SLC24A3: variants seen among roughly 807,000 people sequenced by gnomAD.
SLC24A3 encodes sodium/potassium/calcium exchanger 3.
A neutral mutation model predicts 75.8 loss-of-function variants in SLC24A3; 28 were observed. The ratio of observed to expected loss-of-function variants is 0.37; its 90% CI spans 0.27 to 0.51. SLC24A3 has a LOEUF of 0.51. Among genes scored for constraint, SLC24A3 ranks in the 20% least tolerant of loss-of-function variants. SLC24A3 has a pLI of 0.94. For missense variants in SLC24A3, 663 were observed against 847.8 expected (o/e 0.78, Z 2.71); for synonymous variants, 372 against 334.1 (o/e 1.11, Z -1.24).
At chr20:19,243,826 C>T (rs1453478652) in intron 1 of SLC24A3, 1 of 152,188 alleles carries the variant, frequency 6.6e-6, no homozygotes, top group East Asian at 1.9e-4. Context: ...TCCTCTCTCC[C>T]CAGAGCCTTC....
intron 12 of SLC24A3, among the ~76,000 whole-genome samples, chr20:19,688,633 G>A (rs778633755): frequency 1.6e-4 from 24 of 152,184 alleles, no homozygotes; most frequent in African/African-American, 9.7e-5. Flanking sequence ...AAAAAGATCC[G>A]TCCACATGAT....
chr20:19,332,304 G>A (rs566398387), intron 2 of SLC24A3, among the ~76,000 whole-genome samples: 15 of 152,170 alleles, frequency 9.9e-5, no homozygotes, highest in South Asian at 2.1e-4. Context: ...GCCTCTCTGG[G>A]GACACAGCCA....
intron 2 of SLC24A3, among the ~76,000 whole-genome samples, chr20:19,482,928 A>G (rs950629160): frequency 1.3e-5 from 2 of 152,198 alleles, no homozygotes; most frequent in African/African-American, 4.8e-5. Context: ...AGACCAGCTT[A>G]GCAGATGGGA....
intron 3 of SLC24A3, among the ~76,000 whole-genome samples, chr20:19,525,103 T>A (rs982281672): frequency 3.9e-5 from 6 of 152,200 alleles, no homozygotes; most frequent in African/African-American, 1.4e-4. Context: ...AGTTTTGTTT[T>A]TATGCCATCC....
At chr20:19,478,710 C>CA (rs1365441813) in intron 2 of SLC24A3, among the ~76,000 whole-genome samples, 1 of 152,214 alleles carries the variant, frequency 6.6e-6, no homozygotes, top group Non-Finnish European at 1.5e-5. Context: ...AAGAACCCTG[C>CA]ATGCCTTCTG....
intron 3 of SLC24A3, among the ~76,000 whole-genome samples, chr20:19,538,145 AACGGTC>A (rs1190894642): frequency 2.0e-5 from 3 of 152,216 alleles, no homozygotes; most frequent in Admixed American, 2.0e-4. Flanking sequence ...AGAAGGTGGC[AACGGTC>A]ACTCAAAAGC....
At chr20:19,503,101 C>T (rs1481233467) in intron 2 of SLC24A3, among the ~76,000 whole-genome samples, 1 of 151,674 alleles carries the variant, frequency 6.6e-6, no homozygotes, top group African/African-American at 2.4e-5. Flanking sequence ...CTTGCTTGCT[C>T]CAAACTCTGA....
At chr20:19,639,218 A>C (rs1050203901) in intron 6 of SLC24A3, among the ~76,000 whole-genome samples, 6 of 152,184 alleles carry the variant, frequency 3.9e-5, no homozygotes, top group South Asian at 2.1e-4. Flanking sequence ...CCAAGGCCCC[A>C]CCAGAGTAGC....
chr20:19,476,737 G>A lies in SLC24A3; in HGVS notation c.272-38751G>A, dbSNP rs542081131. 4.6e-5 allele frequency among the ~76,000 whole-genome samples: 7 copies of A among 152,216 alleles called. No individual in the cohort carries two copies. The South Asian group carries it at 8.3e-4, about 18-fold the overall frequency. ...TCCAGTTGAAAGTATGGGGCCTTCC[G>A]TAGCAAGGATGTCAGTGTCCATAAT... On this transcript the variant is annotated intron_variant, in intron 2 of 16. Coordinates refer to ENST00000328041, the MANE Select transcript of SLC24A3 (RefSeq NM_020689.4).
chr20:19,336,232 A>G (rs1259364198), intron 2 of SLC24A3, among the ~76,000 whole-genome samples: 1 of 152,096 alleles, frequency 6.6e-6, no homozygotes, highest in Non-Finnish European at 1.5e-5. Context: ...ATAAAGGTTT[A>G]CTGGACATAG....
At chr20:19,350,341 A>G (rs564860046) in intron 2 of SLC24A3, among the ~76,000 whole-genome samples, 1 of 152,244 alleles carries the variant, frequency 6.6e-6, no homozygotes, top group African/African-American at 2.4e-5. Context: ...ACTTTTCTTA[A>G]TTCTGACTCT....
intron 6 of SLC24A3, among the ~76,000 whole-genome samples, chr20:19,625,715 G>T (rs1408803415): frequency 6.6e-6 from 1 of 152,124 alleles, no homozygotes; most frequent in East Asian, 1.9e-4. Flanking sequence ...TTCTTTCTGG[G>T]AGCCAAAATG....
At chr20:19,231,503 G>A (rs1982021721) in intron 1 of SLC24A3, among the ~76,000 whole-genome samples, 1 of 152,216 alleles carries the variant, frequency 6.6e-6, no homozygotes, top group Non-Finnish European at 1.5e-5. Flanking sequence ...CAGAAGCCGA[G>A]GTCAGAATGA....
intron 2 of SLC24A3, among the ~76,000 whole-genome samples, chr20:19,502,809 T>C (rs1336076272): frequency 2.8e-5 from 4 of 141,082 alleles, no homozygotes; most frequent in Admixed American, 7.8e-5. Context: ...GGTGGGAGGA[T>C]AGCTTGAGGC....
intron 3 of SLC24A3, among the ~76,000 whole-genome samples, chr20:19,553,462 TAGAATG>T (rs2030734312): frequency 6.6e-6 from 1 of 152,074 alleles, no homozygotes; most frequent in African/African-American, 2.4e-5. Flanking sequence ...TATGGAAGGG[TAGAATG>T]ACCTCTCTGT....
At chr20:19,571,825 A>T (rs2031056786) in intron 3 of SLC24A3, among the ~76,000 whole-genome samples, 1 of 152,156 alleles carries the variant, frequency 6.6e-6, no homozygotes, top group Non-Finnish European at 1.5e-5. Flanking sequence ...GTACCTTAGG[A>T]AGGCAGTTGT....
chr20:19,676,035 T>C (rs2032518931), intron 9 of SLC24A3, among the ~76,000 whole-genome samples: 1 of 152,242 alleles, frequency 6.6e-6, no homozygotes, highest in South Asian at 2.1e-4. Flanking sequence ...GTCTGCTCTA[T>C]GCCCAACATT....
At chr20:19,423,871 G>C (rs1288849408) in intron 2 of SLC24A3, among the ~76,000 whole-genome samples, 1 of 152,170 alleles carries the variant, frequency 6.6e-6, no homozygotes, top group Non-Finnish European at 1.5e-5. Flanking sequence ...TCCCACAACA[G>C]AGTGCATGAT....
intron 2 of SLC24A3, among the ~76,000 whole-genome samples, chr20:19,313,090 G>A (rs1488023974): frequency 8.1e-6 from 1 of 122,886 alleles, no homozygotes; most frequent in Non-Finnish European, 1.6e-5. Context: ...AGGCTTGAGT[G>A]CAATGGCAGG....
Sources: allele counts gnomAD v4.1 joint callset (sites outside exome capture counted in the v4.1 genomes callset), GRCh38; gene constraint gnomAD v4.1.1; transcripts MANE v1.5; gene names NCBI Gene and HGNC (gene_info 2026-07-23, HGNC 2026-07-21).